Variants in KDM2A observed in about 807,000 individuals in gnomAD.
KDM2A encodes lysine-specific demethylase 2A.
KDM2A carries 3 observed loss-of-function variants against 137.3 expected under a neutral mutation model. The ratio of observed to expected loss-of-function variants is 0.02; its 90% CI spans 0.01 to 0.06. The LOEUF (loss-of-function observed/expected upper bound fraction) is 0.06. Among genes scored for constraint, KDM2A ranks in the 10% least tolerant of loss-of-function variants. The probability of loss-of-function intolerance (pLI) is 1.00; values close to 1 mark genes in which losing one functional copy is unlikely to be tolerated. For missense variants in KDM2A, 738 were observed against 1,510.6 expected, an observed-to-expected ratio of 0.49 and a Z score of 8.48; for synonymous variants, 512 against 541.5, an observed-to-expected ratio of 0.95 and a Z score of 0.76.
At chr11:67,184,268 A>C (rs558730357) in intron 5 of KDM2A, among the ~76,000 whole-genome samples, 1 of 150,410 alleles carries the variant, frequency 6.6e-6, no homozygotes, top group Non-Finnish European at 1.5e-5. Flanking sequence ...CTGAGGCAGG[A>C]GGGTCACTTG....
intron 5 of KDM2A, among the ~76,000 whole-genome samples, chr11:67,195,369 C>CAAAAAAA (rs34494813): frequency 3.1e-5 from 2 of 65,230 alleles, no homozygotes; most frequent in Admixed American, 2.3e-4. Flanking sequence ...ACTCCGTCTC[C>CAAAAAAA]AAAAAAAAAA....
intron 2 of KDM2A, among the ~76,000 whole-genome samples, chr11:67,128,652 C>T (rs1855784707): frequency 6.6e-6 from 1 of 151,872 alleles, no homozygotes; most frequent in Non-Finnish European, 1.5e-5. Flanking sequence ...ATTTTGGGCC[C>T]CTAGAATGAG....
intron 10 of KDM2A, among the ~76,000 whole-genome samples, chr11:67,222,097 A>G (rs1270054414): frequency 1.7e-5 from 1 of 60,302 alleles, no homozygotes; most frequent in Non-Finnish European, 3.4e-5. Flanking sequence ...TTTTTTATTG[A>G]TAATTCTTGG....
chr11:67,243,147 C>G, intron 13 of KDM2A, 55 bp downstream of exon 13: 1 of 1,272,288 alleles, frequency 7.9e-7, no homozygotes, highest in Non-Finnish European at 1.1e-6. Flanking sequence ...GTTAGTTGAT[C>G]ATTACCATTC....
chr11:67,189,723 C>A (rs1857301738), intron 5 of KDM2A, among the ~76,000 whole-genome samples: 1 of 152,092 alleles, frequency 6.6e-6, no homozygotes, highest in Non-Finnish European at 1.5e-5. Context: ...ACCTGTAGTC[C>A]CAGCTACTCG....
At chr11:67,248,886 A>G (rs1180228515) in intron 16 of KDM2A, among the ~76,000 whole-genome samples, 1 of 152,214 alleles carries the variant, frequency 6.6e-6, no homozygotes, top group Non-Finnish European at 1.5e-5. Flanking sequence ...AGAGAGGACC[A>G]GTGCTATGAC....
chr11:67,182,378 A>T (rs1202409054), intron 5 of KDM2A, among the ~76,000 whole-genome samples: 2 of 152,156 alleles, frequency 1.3e-5, no homozygotes, highest in East Asian at 3.8e-4. Context: ...AAAATTTGGG[A>T]AAAAGAAAGC....
At chr11:67,121,449 T>A in intron 2 of KDM2A, 91 bp downstream of exon 2, 1 of 1,327,512 alleles carries the variant, frequency 7.5e-7, no homozygotes, top group Non-Finnish European at 1.1e-6. Context: ...AATCTGTGAT[T>A]AAAACTTTTC....
chr11:67,180,819 A>ATT (rs920661672), intron 3 of KDM2A, among the ~76,000 whole-genome samples: 1 of 142,060 alleles, frequency 7.0e-6, no homozygotes, highest in African/African-American at 2.6e-5. Flanking sequence ...CACCCGGCTA[A>ATT]TTTTTTTTTT....
At chr11:67,225,970 C>T (rs903335418) in intron 10 of KDM2A, among the ~76,000 whole-genome samples, 1 of 152,106 alleles carries the variant, frequency 6.6e-6, no homozygotes, top group Admixed American at 6.6e-5. Flanking sequence ...GAGGCTGAGG[C>T]AGGAGAATCG....
chr11:67,193,506 A>G (rs781328830), intron 5 of KDM2A, among the ~76,000 whole-genome samples: 2 of 152,200 alleles, frequency 1.3e-5, no homozygotes, highest in African/African-American at 2.4e-5. Context: ...TAATACACAT[A>G]AAGTGCTCAG....
chr11:67,165,086 G>A (rs1044016757), intron 2 of KDM2A, among the ~76,000 whole-genome samples: 2 of 151,924 alleles, frequency 1.3e-5, no homozygotes, highest in African/African-American at 2.4e-5. Context: ...GGACGGGTAG[G>A]AGTATATGTG....
intron 10 of KDM2A, among the ~76,000 whole-genome samples, chr11:67,225,123 C>T (rs1258291309): frequency 6.6e-6 from 1 of 151,918 alleles, no homozygotes; most frequent in South Asian, 2.1e-4. Context: ...CCATCACGCC[C>T]GGCGGCTGCA....
chr11:67,125,853 A>G (rs1332948292), intron 2 of KDM2A, among the ~76,000 whole-genome samples: 1 of 149,496 alleles, frequency 6.7e-6, no homozygotes, highest in African/African-American at 2.5e-5. Context: ...CTGAGTCAGG[A>G]GAATCACTTG....
chr11:67,251,800 C>G (rs148097849), intron 17 of KDM2A, among the ~76,000 whole-genome samples: 17 of 152,240 alleles, frequency 1.1e-4, no homozygotes, highest in Admixed American at 2.6e-4. Context: ...CTAAATAGAC[C>G]CTATTCTTTG....
chr11:67,154,107 C>T (rs1387919544), intron 2 of KDM2A, among the ~76,000 whole-genome samples: 1 of 152,140 alleles, frequency 6.6e-6, no homozygotes, highest in Non-Finnish European at 1.5e-5. Context: ...ATAGCTCTCA[C>T]TTGACTTCAG....
chr11:67,252,502 C>T (rs1397289308), intron 17 of KDM2A, 192 bp from the exon 18 acceptor site: 1 of 621,876 alleles, frequency 1.6e-6, no homozygotes, highest in African/African-American at 1.8e-5. Context: ...TGCAAAGCGT[C>T]TAGTTGTTGT....
Position 67,245,204 on chromosome 11 carries a change from C to T in KDM2A, c.1579C>T (p.Arg527Trp). The change falls in exon 14 of 21, where the codon CGG becomes TGG. Residue 527 changes from arginine to tryptophan, a missense_variant. By Grantham distance (101) the Arg-to-Trp change is moderately radical. Transcript: ENST00000529006. This position sits in a 1 kb window ranked among gnomAD's most constrained non-coding sequence, Gnocchi z 4.1. ...CTCTTTCCAGCTTAAATTCCCCACT[C>T]GGCCAAAGGTGCGGGTTCCTACCAT... ...PKRDKLKFPT[R>W]PKVRVPTIPI... is the part of the protein sequence containing the mutation. 1 of 1,613,124 alleles carries T rather than the reference C, an allele frequency of 6.2e-7. No individual in the cohort carries two copies. The highest frequency in any genetic ancestry group is 1.7e-5 in the Admixed American group (1 of 60,024).
intron 5 of KDM2A, among the ~76,000 whole-genome samples, chr11:67,187,677 G>A (rs1465629295): frequency 1.3e-5 from 2 of 151,900 alleles, no homozygotes; most frequent in African/African-American, 4.8e-5. Flanking sequence ...TGGTTCAAGC[G>A]ATTCTCCTGC....
Sources: gnomAD v4.1 joint callset for allele counts (sites outside exome capture counted in the v4.1 genomes callset) on GRCh38, gnomAD v4.1.1 for gene constraint, Gnocchi (gnomAD v3.1) non-coding constraint, MANE v1.5 for transcripts, NCBI Gene and HGNC (gene_info 2026-07-23, HGNC 2026-07-21) for gene names.